SCARB1: variants seen among roughly 807,000 people sequenced by gnomAD.
SCARB1 encodes the protein CD36 and LIMPII analogous 1.
In SCARB1, 30 loss-of-function variants were observed where a neutral mutation model predicts 57.2. The ratio of observed to expected loss-of-function variants is 0.52; its 90% confidence interval spans 0.39 to 0.71. SCARB1 has a LOEUF of 0.71. Ranked by LOEUF, SCARB1 falls within the 30% of genes least tolerant of loss-of-function variation. The pLI, the probability that SCARB1 is intolerant of heterozygous loss-of-function variation, is 0.00. For missense variants in SCARB1, 543 were observed against 671.2 expected (o/e 0.81, Z 2.11); for synonymous variants, 249 against 268.3 (o/e 0.93, Z 0.70).
chr12:124,811,396 A>G (rs1950520775), intron 5 of SCARB1, among the ~76,000 whole-genome samples: 1 of 152,050 alleles, frequency 6.6e-6, no homozygotes, highest in Admixed American at 6.6e-5. Flanking sequence ...GCCTCAGCTC[A>G]TGAGTAGCTG....
intron 1 of SCARB1, among the ~76,000 whole-genome samples, chr12:124,855,884 A>ACTGGG (rs1267025767): frequency 2.0e-5 from 3 of 152,250 alleles, no homozygotes; most frequent in Non-Finnish European, 4.4e-5. Context: ...ACAAGCCTGC[A>ACTGGG]GCAAATCGCC....
intron 9 of SCARB1, among the ~76,000 whole-genome samples, chr12:124,794,466 T>C (rs906185361): frequency 2.1e-5 from 3 of 144,912 alleles, no homozygotes. Context: ...AGTGGCGCGA[T>C]CTCGGCTCAC....
At chr12:124,784,062 CAGA>C (rs1379838533) in intron 11 of SCARB1, 12 of 152,386 alleles carry the variant, frequency 7.9e-5, no homozygotes, top group African/African-American at 2.2e-4. Flanking sequence ...TGGAGACAGA[CAGA>C]AGGAGACAGA....
At chr12:124,820,047 G>A (rs1197545958) in intron 1 of SCARB1, among the ~76,000 whole-genome samples, 1 of 152,220 alleles carries the variant, frequency 6.6e-6, no homozygotes, top group African/African-American at 2.4e-5. Flanking sequence ...GGAGATCAGA[G>A]ACTGGCCTTC....
chr12:124,786,571 C>A, intron 10 of SCARB1, 68 bp from the exon 11 acceptor site: 1 of 1,592,336 alleles, frequency 6.3e-7, no homozygotes, highest in Non-Finnish European at 8.5e-7. Flanking sequence ...CAGATGCCAC[C>A]CAACACCTTC....
In SCARB1 at chr12:124,777,598, C is replaced by G. The variant is rs1339834981; in HGVS notation, c.*989G>C. ...CCAGAGGCCCCCACCCCCACGACCT[C>G]AGCAAACAAGGCTGTCACAGAGGCA... On this transcript the variant is annotated 3_prime_UTR_variant, in exon 13 of 13. Transcript: ENST00000261693. The G allele has an allele frequency of 6.6e-6, 1 of 152,262 alleles. No individual in the cohort carries two copies. The highest frequency in any genetic ancestry group is 1.5e-5 in the Non-Finnish European group (1 of 68,056). The allele number at this position is 152,262 out of a possible 1,614,324, so 9.4% of individuals were successfully genotyped here.
chr12:124,838,720 C>A (rs1296781930), intron 1 of SCARB1, among the ~76,000 whole-genome samples: 3 of 151,954 alleles, frequency 2.0e-5, no homozygotes, highest in African/African-American at 7.3e-5. Context: ...TCAGGTTAAA[C>A]CCTGCCACAG....
intron 1 of SCARB1, among the ~76,000 whole-genome samples, chr12:124,832,003 C>T (rs1172283941): frequency 1.3e-5 from 2 of 151,900 alleles, no homozygotes; most frequent in South Asian, 2.1e-4. Flanking sequence ...GAGGGACAAA[C>T]GCAATGTGGG....
chr12:124,856,754 G>A (rs1367893405), intron 1 of SCARB1, among the ~76,000 whole-genome samples: 1 of 152,202 alleles, frequency 6.6e-6, no homozygotes, highest in African/African-American at 2.4e-5. Context: ...CCCAGGTTCC[G>A]CAGGGGGGCT....
At chr12:124,863,502 T>G in intron 1 of SCARB1, 93 bp downstream of exon 1, 2 of 1,393,746 alleles carry the variant, frequency 1.4e-6, no homozygotes, top group Non-Finnish European at 2.0e-6. Flanking sequence ...TCCGCTGCGG[T>G]CGCCCACCCA....
At chr12:124,797,686 T>C (rs540041194) in intron 8 of SCARB1, among the ~76,000 whole-genome samples, 2 of 152,070 alleles carry the variant, frequency 1.3e-5, no homozygotes, top group African/African-American at 2.4e-5. Context: ...ACTGTGTTCA[T>C]GGTGGAATTC....
At position 124,863,647 on chromosome 12, in the gene SCARB1, C is replaced by T. The variant is rs939468515; in HGVS notation, c.74G>A (p.Gly25Asp). The change falls in exon 1 of 13, where the codon GGC becomes GAC. Residue 25 changes from glycine to aspartate, a missense_variant. Transcript: ENST00000261693. The part of the protein sequence containing the change: ...GVAGLLCAVL[G>D]AVMIVMVPSL... ...CGGCACCATCACGATCATGACAGCG[C>T]CCAGCACAGCGCACAGTAGCCCCGC... 3.1e-6 allele frequency: 5 copies of T among 1,593,840 alleles called. No homozygotes were observed. The highest frequency in any genetic ancestry group is 3.4e-6 in the Non-Finnish European group (4 of 1,170,862).
At chr12:124,809,037 T>G (rs1950424775) in intron 6 of SCARB1, among the ~76,000 whole-genome samples, 1 of 152,228 alleles carries the variant, frequency 6.6e-6, no homozygotes, top group Admixed American at 6.5e-5. Flanking sequence ...CAGTATTATG[T>G]CAATGCCAAA....
At position 124,817,686 on chromosome 12, in the gene SCARB1, T is replaced by C. The variant is rs1950795685; in HGVS notation, c.148A>G (p.Ser50Gly). The stretch of plus-strand genomic sequence containing the variant: ...TCCTTCCACATGTTGAAGGACAGGC[T>C]ACTGGGGTCGATGCGCACGTTCTGC... ...VLKNVRIDPS[S>G]LSFNMWKEIP... is the part of the protein sequence containing the mutation. Residue 50 changes from serine (S) to glycine (G), a missense_variant, in exon 2 of 13, where the codon AGC (serine) becomes GGC (glycine). Coordinates refer to ENST00000261693, the MANE Select transcript of SCARB1 (RefSeq NM_005505.5). The surrounding 1 kb of genome is among the most constrained non-coding windows in gnomAD (Gnocchi z 4.8). The C allele has an allele frequency of 6.2e-7, 1 of 1,614,076 alleles. No homozygotes were observed. Among genetic ancestry groups the C allele is most frequent in the East Asian group, 2.2e-5 (1 of 44,894 alleles).
At chr12:124,786,553 C>T (rs757969982) in intron 10 of SCARB1, 50 bp from the exon 11 acceptor site, 2 of 1,608,480 alleles carry the variant, frequency 1.2e-6, no homozygotes, top group East Asian at 4.5e-5. Context: ...AGGCTGCGGG[C>T]TACAGCGCAG....
At chr12:124,851,122 C>T (rs1267253412) in intron 1 of SCARB1, among the ~76,000 whole-genome samples, 1 of 152,210 alleles carries the variant, frequency 6.6e-6, no homozygotes, top group Non-Finnish European at 1.5e-5. Context: ...GTTGTGCCAG[C>T]CACTGAGAAA....
At chr12:124,836,568 G>A (rs1951655957) in intron 1 of SCARB1, among the ~76,000 whole-genome samples, 1 of 152,198 alleles carries the variant, frequency 6.6e-6, no homozygotes, top group Non-Finnish European at 1.5e-5. Flanking sequence ...TGGGGCAGGA[G>A]GATCACTGGA....
At chr12:124,855,551 G>T (rs149569010) in intron 1 of SCARB1, among the ~76,000 whole-genome samples, 12 of 152,332 alleles carry the variant, frequency 7.9e-5, no homozygotes, top group African/African-American at 2.9e-4. Context: ...GTCCAAACAG[G>T]GGGAGGGAGA....
intron 9 of SCARB1, among the ~76,000 whole-genome samples, chr12:124,793,378 G>A: frequency 6.6e-6 from 1 of 151,628 alleles, no homozygotes; most frequent in East Asian, 1.9e-4. Context: ...GGAGGAACTG[G>A]AACCCTGCTG....
Sources: gnomAD v4.1 joint callset for allele counts (sites outside exome capture counted in the v4.1 genomes callset) on GRCh38, gnomAD v4.1.1 for gene constraint, Gnocchi (gnomAD v3.1) non-coding constraint, MANE v1.5 for transcripts, NCBI Gene and HGNC (gene_info 2026-07-23, HGNC 2026-07-21) for gene names.